SORCS3: variants seen among roughly 807,000 people sequenced by gnomAD.
SORCS3 encodes sortilin related VPS10 domain containing receptor 3, also known as VPS10 domain-containing receptor SorCS3.
Under a neutral mutation model 146.3 loss-of-function variants are expected in SORCS3, and 57 were observed. That is an observed-to-expected ratio of 0.39 (90% CI 0.31 to 0.49). SORCS3 has a LOEUF of 0.49. Among genes scored for constraint, SORCS3 ranks in the 20% least tolerant of loss-of-function variants. The pLI is 0.92. For synonymous variants in SORCS3, 653 were observed against 618.5 expected (o/e 1.06, Z -0.83); for missense variants, 1,341 against 1,575.5 (o/e 0.85, Z 2.52).
At chr10:104,695,968 TAATA>T (rs2016171339) in intron 1 of SORCS3, among the ~76,000 whole-genome samples, 1 of 141,464 alleles carries the variant, frequency 7.1e-6, no homozygotes, top group South Asian at 2.2e-4. Context: ...TATACACATA[TAATA>T]TATATAATAT....
At chr10:104,679,209 T>A (rs1224894606) in intron 1 of SORCS3, among the ~76,000 whole-genome samples, 1 of 152,160 alleles carries the variant, frequency 6.6e-6, no homozygotes, top group Admixed American at 6.5e-5. Flanking sequence ...GATTTTGGAA[T>A]CTACCTTCAG....
intron 20 of SORCS3, among the ~76,000 whole-genome samples, chr10:105,240,074 A>G (rs1371865118): frequency 6.6e-6 from 1 of 152,190 alleles, no homozygotes; most frequent in Non-Finnish European, 1.5e-5. Flanking sequence ...AGGAGGGCAC[A>G]TACTCTCTTA....
intron 2 of SORCS3, among the ~76,000 whole-genome samples, chr10:104,914,328 C>A (rs535222644): frequency 1.2e-4 from 18 of 152,256 alleles, no homozygotes; most frequent in African/African-American, 3.4e-4. Flanking sequence ...TACAGTGTGC[C>A]TTGGGTGCCT....
At chr10:104,933,927 T>C (rs2019234918) in intron 3 of SORCS3, among the ~76,000 whole-genome samples, 1 of 152,160 alleles carries the variant, frequency 6.6e-6, no homozygotes, top group Non-Finnish European at 1.5e-5. Context: ...CTCGAGTAGC[T>C]GGGACTACAG....
chr10:104,666,946 T>C (rs2015785808), intron 1 of SORCS3, among the ~76,000 whole-genome samples: 1 of 151,936 alleles, frequency 6.6e-6, no homozygotes, highest in African/African-American at 2.4e-5. Context: ...AGCTGAAAAT[T>C]ATTAGGGGCA....
intron 3 of SORCS3, among the ~76,000 whole-genome samples, chr10:104,943,511 A>G (rs571016854): frequency 4.0e-4 from 61 of 152,370 alleles, no homozygotes; most frequent in African/African-American, 1.4e-3. Flanking sequence ...GAATCAAGTC[A>G]TGAATGCTGA....
intron 2 of SORCS3, among the ~76,000 whole-genome samples, chr10:104,909,301 G>A (rs932593889): frequency 6.6e-6 from 1 of 152,156 alleles, no homozygotes; most frequent in African/African-American, 2.4e-5. Context: ...GAAAGGGGAA[G>A]CAAAGCACAG....
chr10:105,055,198 A>T (rs766298249), intron 5 of SORCS3, among the ~76,000 whole-genome samples: 4 of 152,166 alleles, frequency 2.6e-5, no homozygotes, highest in Non-Finnish European at 5.9e-5. Flanking sequence ...GTAAGTAAAG[A>T]CATGTTGCAC....
chr10:105,251,994 T>C (rs755644379), intron 22 of SORCS3, among the ~76,000 whole-genome samples: 6 of 152,226 alleles, frequency 3.9e-5, no homozygotes, highest in Non-Finnish European at 5.9e-5. Context: ...GTACTTATTA[T>C]CATCTTAATG....
At chr10:104,728,021 TTCTATCTATCTATCTATCTATCTATCTA>T (rs56299885) in intron 1 of SORCS3, among the ~76,000 whole-genome samples, 3 of 146,598 alleles carry the variant, frequency 2.0e-5, no homozygotes, top group African/African-American at 2.5e-5. Flanking sequence ...TATATAACAG[TTCTATCTATCTATCTATCTATCTATCTA>T]TCTATCTATC....
At chr10:105,258,770 G>C (rs1043542663) in intron 25 of SORCS3, among the ~76,000 whole-genome samples, 45 of 152,072 alleles carry the variant, frequency 3.0e-4, no homozygotes, top group African/African-American at 1.1e-3. Context: ...TTCTACCTTT[G>C]TAGTTCCCAG....
chr10:104,998,442 A>C (rs2055039961), intron 4 of SORCS3, among the ~76,000 whole-genome samples: 1 of 152,116 alleles, frequency 6.6e-6, no homozygotes, highest in Admixed American at 6.6e-5. Context: ...AGCTCTGCAG[A>C]ATTCTCCTCC....
At chr10:104,771,371 C>G (rs1034728379) in intron 1 of SORCS3, among the ~76,000 whole-genome samples, 19 of 152,272 alleles carry the variant, frequency 1.2e-4, no homozygotes, top group African/African-American at 3.9e-4. Context: ...GAAAGATGGG[C>G]CCCTGTGTGC....
At chr10:104,891,936 A>T (rs1018983104) in intron 2 of SORCS3, among the ~76,000 whole-genome samples, 1 of 152,208 alleles carries the variant, frequency 6.6e-6, no homozygotes, top group East Asian at 1.9e-4. Flanking sequence ...TTAAATCACA[A>T]AGAGAATGAA....
At chr10:104,671,735 C>T (rs997832616) in intron 1 of SORCS3, among the ~76,000 whole-genome samples, 3 of 151,932 alleles carry the variant, frequency 2.0e-5, no homozygotes, top group Admixed American at 6.6e-5. Flanking sequence ...CTAAGGTGAT[C>T]GTGTGTTTTT....
At chr10:105,108,759 G>A (rs544816018) in intron 7 of SORCS3, among the ~76,000 whole-genome samples, 5 of 152,246 alleles carry the variant, frequency 3.3e-5, no homozygotes, top group African/African-American at 1.2e-4. Flanking sequence ...CAGATTACAT[G>A]GTATCATTTG....
At position 104,641,969 on chromosome 10, in the gene SORCS3, G is replaced by A. The variant is rs1397209096; in HGVS notation, c.627+15G>A. 1 of 1,566,566 alleles carries A rather than the reference G, an allele frequency of 6.4e-7. No individual in the cohort carries two copies. Among genetic ancestry groups the A allele is most frequent in the Admixed American group, 1.8e-5 (1 of 56,998 alleles). On this transcript the variant is annotated intron_variant, in intron 1 of 26. Transcript: ENST00000369701. This position sits in a 1 kb window ranked among gnomAD's most constrained non-coding sequence, Gnocchi z 6.4. ...ACAACAGCAGCGTGAGTACCCACCC[G>A]GCGGCGGGTCCGCCTGTTTCCTGAC...
chr10:104,657,381 A>G (rs746134982), intron 1 of SORCS3, among the ~76,000 whole-genome samples: 32 of 152,240 alleles, frequency 2.1e-4, no homozygotes, highest in Non-Finnish European at 4.3e-4. Context: ...TGCAGCAGGT[A>G]AAATCAATAG....
At chr10:104,977,273 G>A in intron 3 of SORCS3, 62 bp from the exon 4 acceptor site, 1 of 1,358,744 alleles carries the variant, frequency 7.4e-7, no homozygotes, top group Non-Finnish European at 9.9e-7. Flanking sequence ...TATGATTAAA[G>A]TTATTATATT....
Sources: allele counts gnomAD v4.1 joint callset (sites outside exome capture counted in the v4.1 genomes callset), GRCh38; gene constraint gnomAD v4.1.1; non-coding constraint Gnocchi (gnomAD v3.1); transcripts MANE v1.5; gene names NCBI Gene and HGNC (gene_info 2026-07-23, HGNC 2026-07-21).